The following SMCHD1 variants were observed in gnomAD, a reference collection of about 807,000 sequenced individuals.
SMCHD1 encodes the protein structural maintenance of chromosomes flexible hinge domain-containing protein 1.
Under a neutral mutation model 254.7 loss-of-function variants are expected in SMCHD1, and 78 were observed. That is an observed-to-expected ratio of 0.31 (90% confidence interval 0.26 to 0.37). SMCHD1 has a LOEUF of 0.37. Among genes scored for constraint, SMCHD1 ranks in the 10% least tolerant of loss-of-function variants. The probability of loss-of-function intolerance (pLI) is 1.00; values close to 1 mark genes in which losing one functional copy is unlikely to be tolerated. For missense variants in SMCHD1, 1,840 were observed against 2,408.1 expected (o/e 0.76, Z 4.94); for synonymous variants, 766 against 794.9 (o/e 0.96, Z 0.61).
At chr18:2,736,526 C>T (rs1019360064) in intron 25 of SMCHD1, among the ~76,000 whole-genome samples, 3 of 151,954 alleles carry the variant, frequency 2.0e-5, no homozygotes, top group African/African-American at 7.2e-5. Flanking sequence ...GGTCTAATAA[C>T]CAGAATCTAT....
intron 44 of SMCHD1, among the ~76,000 whole-genome samples, chr18:2,784,021 A>G (rs1352012735): frequency 1.3e-5 from 2 of 152,168 alleles, no homozygotes; most frequent in Non-Finnish European, 2.9e-5. Context: ...GAGTCAGTCT[A>G]GTGCTTTCCA....
chr18:2,667,023 A>G lies in SMCHD1; in HGVS notation c.416A>G (p.Asn139Ser). ...MYEYYASEGQ[N>S]PLPFALAELI... ...GAATATTATGCCAGTGAAGGACAAA[A>G]TCCTTTGCGTAAGTATCCCATTCAT... Residue 139 changes from asparagine (N) to serine (S), a missense_variant, in exon 3 of 48, where the codon AAT (asparagine) becomes AGT (serine). Transcript: ENST00000320876. 1 of 1,577,848 alleles carries G rather than the reference A, an allele frequency of 6.3e-7. No individual in the cohort carries two copies. The highest frequency in any genetic ancestry group is 1.1e-5 in the South Asian group (1 of 87,076).
At position 2,708,907 on chromosome 18, in the gene SMCHD1, T is replaced by TATATATAAA. The variant is rs769432583; in HGVS notation, c.2260+988_2260+989insTATATAAAA. On this transcript the variant is annotated intron_variant, in intron 17 of 47. Coordinates refer to ENST00000320876, the MANE Select transcript of SMCHD1 (RefSeq NM_015295.3). ...ATATATATATATATATATATATATA[T>TATATATAAA]AACATATTAACATGAAATTTATGAA... is the stretch of plus-strand genomic sequence containing the variant. Among the ~76,000 whole-genome samples the TATATATAAA allele has an allele frequency of 2.1e-3, 92 of 44,680 alleles. 10 individuals are homozygous for TATATATAAA. Among genetic ancestry groups the TATATATAAA allele is most frequent in the African/African-American group, 7.4e-3 (88 of 11,866 alleles). 29.3% of individuals were successfully genotyped at this position (44,680 alleles called of 152,430 possible). A position where few individuals can be genotyped will look rare whatever the true frequency, so the allele number is the denominator to read the frequency against.
chr18:2,684,700 AGT>A (rs71365193), intron 5 of SMCHD1, among the ~76,000 whole-genome samples: 84 of 115,596 alleles, frequency 7.3e-4, no homozygotes, highest in Middle Eastern at 4.3e-3. Flanking sequence ...TTGCAGATTC[AGT>A]GTGTGTGTGT....
Position 2,796,731 on chromosome 18 carries a change from C to T in SMCHD1, c.5993+210C>T, listed in dbSNP as rs931603435. ...GAGTAGCTGGCATTACAGGCATGCA[C>T]CACCATGCTTGGCTAATTTTTTGTA... On this transcript the variant is annotated intron_variant, in intron 47 of 47. Coordinates refer to ENST00000320876, the MANE Select transcript of SMCHD1 (RefSeq NM_015295.3). The T allele has an allele frequency of 5.9e-6, 3 of 505,528 alleles. No individual in the cohort carries two copies. In the African/African-American group the frequency reaches 6.1e-5, roughly 10 times the overall value. 31.3% of individuals were successfully genotyped at this position (505,528 alleles called of 1,614,324 possible).
intron 39 of SMCHD1, 58 bp downstream of exon 39, chr18:2,770,166 A>C: frequency 6.5e-7 from 1 of 1,529,874 alleles, no homozygotes; most frequent in South Asian, 1.3e-5. Context: ...GAGGCAGGTG[A>C]GATCGTGATA....
At chr18:2,790,643 C>T (rs1327984788) in intron 45 of SMCHD1, among the ~76,000 whole-genome samples, 4 of 152,114 alleles carry the variant, frequency 2.6e-5, no homozygotes, top group Non-Finnish European at 5.9e-5. Flanking sequence ...CACCTGTAAT[C>T]CCAATTACTT....
chr18:2,708,907 T>TATATATATATATAAATAA (rs769432583), intron 17 of SMCHD1, among the ~76,000 whole-genome samples: 2 of 44,702 alleles, frequency 4.5e-5, no homozygotes, highest in African/African-American at 1.7e-4. Flanking sequence ...TATATATATA[T>TATATATATATATAAATAA]AACATATTAA....
intron 34 of SMCHD1, among the ~76,000 whole-genome samples, chr18:2,756,500 A>G (rs548399214): frequency 3.9e-5 from 6 of 152,318 alleles, no homozygotes; most frequent in Non-Finnish European, 7.4e-5. Context: ...TGTGGGGGGA[A>G]GGTTTTAGTG....
At chr18:2,700,184 A>G (rs1022233532) in intron 10 of SMCHD1, among the ~76,000 whole-genome samples, 4 of 152,260 alleles carry the variant, frequency 2.6e-5, no homozygotes, top group African/African-American at 7.2e-5. Flanking sequence ...TTCTGATAAA[A>G]TTGTGAAACT....
chr18:2,700,712 A>C (rs2143183395), intron 11 of SMCHD1, 23 bp from the exon 12 acceptor site: 1 of 1,605,968 alleles, frequency 6.2e-7, no homozygotes, highest in South Asian at 1.1e-5. Flanking sequence ...TCTTTTACTA[A>C]CTAACATTTT....
chr18:2,743,087 C>T (rs1235360385), intron 28 of SMCHD1, among the ~76,000 whole-genome samples: 3 of 152,268 alleles, frequency 2.0e-5, no homozygotes, highest in South Asian at 2.1e-4. Context: ...CATCAAGGGT[C>T]ACCATTAAAA....
chr18:2,752,454 C>T, intron 33 of SMCHD1, 34 bp from the exon 34 acceptor site: 1 of 1,463,562 alleles, frequency 6.8e-7, no homozygotes, highest in South Asian at 1.1e-5. Flanking sequence ...TTGTCATTTT[C>T]CCCTCTCCCC....
intron 45 of SMCHD1, among the ~76,000 whole-genome samples, chr18:2,792,332 T>C (rs756775261): frequency 9.9e-5 from 15 of 152,242 alleles, no homozygotes; most frequent in Non-Finnish European, 2.2e-4. Context: ...CTGTACAGTT[T>C]TGTAGTCTTG....
chr18:2,741,725 C>A (rs2075353629), intron 28 of SMCHD1, among the ~76,000 whole-genome samples: 1 of 152,188 alleles, frequency 6.6e-6, no homozygotes, highest in Non-Finnish European at 1.5e-5. Flanking sequence ...AAATGCGCTC[C>A]TGTTATGAAT....
intron 1 of SMCHD1, among the ~76,000 whole-genome samples, 155 bp from the exon 2 acceptor site, chr18:2,666,002 G>A (rs890636284): frequency 6.6e-6 from 1 of 152,032 alleles, no homozygotes; most frequent in South Asian, 2.1e-4. Flanking sequence ...ATTATGCAAA[G>A]GCAAAATTTA....
chr18:2,761,067 A>G (rs1439230790), intron 35 of SMCHD1, among the ~76,000 whole-genome samples: 1 of 152,206 alleles, frequency 6.6e-6, no homozygotes, highest in Non-Finnish European at 1.5e-5. Context: ...TATTAGTAAT[A>G]TTTCACACAG....
At chr18:2,675,101 A>G (rs2073710791) in intron 5 of SMCHD1, among the ~76,000 whole-genome samples, 1 of 152,210 alleles carries the variant, frequency 6.6e-6, no homozygotes, top group Admixed American at 6.5e-5. Context: ...CAGCTTACAT[A>G]GCCATAAAAT....
intron 44 of SMCHD1, 99 bp from the exon 45 acceptor site, chr18:2,784,351 T>C: frequency 9.7e-7 from 1 of 1,035,572 alleles, no homozygotes; most frequent in East Asian, 2.8e-5. Context: ...ACTACTGTGA[T>C]CCTGTCATTT....
Sources: gnomAD v4.1 joint callset for allele counts (sites outside exome capture counted in the v4.1 genomes callset) on GRCh38, gnomAD v4.1.1 for gene constraint, MANE v1.5 for transcripts, NCBI Gene and HGNC (gene_info 2026-07-23, HGNC 2026-07-21) for gene names.